Variants in ARHGAP32 observed in about 807,000 individuals in gnomAD.
The protein encoded by ARHGAP32 is Rho GTPase activating protein 32.
A neutral mutation model predicts 186.5 loss-of-function variants in ARHGAP32; 51 were observed. The ratio of observed to expected loss-of-function variants is 0.27; its 90% CI spans 0.22 to 0.35. The LOEUF (loss-of-function observed/expected upper bound fraction) is 0.35. Among genes scored for constraint, ARHGAP32 ranks in the 10% least tolerant of loss-of-function variants. The probability of loss-of-function intolerance (pLI) is 1.00; values close to 1 mark genes in which losing one functional copy is unlikely to be tolerated. For synonymous variants in ARHGAP32, 950 were observed against 964.3 expected, an observed-to-expected ratio of 0.99 and a Z score of 0.27; for missense variants, 2,186 against 2,623.5, an observed-to-expected ratio of 0.83 and a Z score of 3.64.
In ARHGAP32 at chr11:128,974,583, G is replaced by C; in HGVS notation, c.2614C>G (p.Leu872Val). Residue 872 changes from leucine (L) to valine (V), a missense_variant, in exon 21 of 23, where the codon CTT becomes GTT. This residue lies in a region of ARHGAP32 where 1,502 missense variants were observed against 1,570.0 expected (regional missense o/e 0.96). Coordinates refer to ENST00000682385, the MANE Select transcript of ARHGAP32 (RefSeq NM_001378024.1). ...AAGAATGGACTCAGTTTCTCCTGAAGAGGAGAGACAGGTTCAGAGCTTGCT... is the reference window on the plus strand; with the variant it reads ...AAGAATGGACTCAGTTTCTCCTGAACAGGAGAGACAGGTTCAGAGCTTGCT... The part of the protein sequence containing the change: ...STASSEPVSP[L>V]QEKLSPFFTL... The C allele has an allele frequency of 6.2e-7, 1 of 1,614,122 alleles. No homozygotes were observed. Among genetic ancestry groups the C allele is most frequent in the Non-Finnish European group, 8.5e-7 (1 of 1,179,958 alleles).
chr11:129,212,444 C>T (rs897767440), intron 1 of ARHGAP32, among the ~76,000 whole-genome samples: 1 of 152,132 alleles, frequency 6.6e-6, no homozygotes, highest in Non-Finnish European at 1.5e-5. Flanking sequence ...TGAAAGATGG[C>T]AAGTCACAAT....
At chr11:129,003,048 G>A (rs373281579) in intron 11 of ARHGAP32, among the ~76,000 whole-genome samples, 25 of 152,152 alleles carry the variant, frequency 1.6e-4, no homozygotes, top group African/African-American at 3.4e-4. Context: ...TGCCCGCCTC[G>A]GCCTCCCAAA....
In ARHGAP32 at chr11:128,974,736, C is replaced by A. The variant is rs1033398420; in HGVS notation, c.2461G>T (p.Ala821Ser). 24 of 1,614,054 alleles carry A rather than the reference C, an allele frequency of 1.5e-5. No individual in the cohort carries two copies. The highest frequency in any genetic ancestry group is 1.9e-5 in the Non-Finnish European group (22 of 1,180,048). Residue 821 changes from alanine to serine, a missense_variant, in exon 21 of 23, where the codon GCC (alanine) becomes TCC (serine). By Grantham distance (99) the Ala-to-Ser change is moderately conservative (BLOSUM62 1). Transcript: ENST00000682385. ...PMSFQCSPPK[A>S]ESECLESGAS... ...CCACTCTCCAGACATTCTGATTCGG[C>A]CTTAGGAGGACTACATTGAAATGAC...
chr11:129,064,155 ATTTACTGGGTAGT>A, intron 8 of ARHGAP32, 131 bp from the exon 9 acceptor site: 10 of 733,160 alleles, frequency 1.4e-5, no homozygotes, highest in Non-Finnish European at 2.1e-5. Context: ...AAAAACTACC[ATTTACTGGGTAGT>A]AAAAATATGC....
chr11:129,028,619 C>T (rs1938965199), intron 11 of ARHGAP32, among the ~76,000 whole-genome samples: 1 of 152,132 alleles, frequency 6.6e-6, no homozygotes, highest in African/African-American at 2.4e-5. Context: ...GTTGTGTAAC[C>T]ACTACACACA....
At chr11:129,145,897 C>A (rs905916642) in intron 2 of ARHGAP32, among the ~76,000 whole-genome samples, 20 of 152,052 alleles carry the variant, frequency 1.3e-4, no homozygotes, top group African/African-American at 2.9e-4. Context: ...AGAAGACGTA[C>A]CACGGGAGAG....
chr11:128,972,942 CTCTGAG>C lies in ARHGAP32; in HGVS notation c.3558_3563del (p.Asp1186_Ser1187del), dbSNP rs1945431714. 3.1e-6 allele frequency: 5 copies of C among 1,613,924 alleles called. 1 individual carries two copies. The Admixed American group carries it at 8.3e-5, about 27-fold the overall frequency. ...GGAAACTTACATGATCATCAGACTTCTCTGAGTCTAAGGGAACTGAAGTAATTCTGG... is the reference window on the plus strand; with the variant it reads ...GGAAACTTACATGATCATCAGACTTCTCTAAGGGAACTGAAGTAATTCTGG... On this transcript the variant is annotated inframe_deletion, in exon 22 of 23. Coordinates refer to ENST00000682385, the MANE Select transcript of ARHGAP32 (RefSeq NM_001378024.1).
At chr11:129,214,467 C>T (rs1405598672) in intron 1 of ARHGAP32, among the ~76,000 whole-genome samples, 5 of 152,208 alleles carry the variant, frequency 3.3e-5, no homozygotes, top group Middle Eastern at 3.4e-3. Context: ...CTAGAACTGG[C>T]TTGAATGAAA....
chr11:129,232,291 T>A (rs1336815944), intron 1 of ARHGAP32, among the ~76,000 whole-genome samples: 1 of 152,168 alleles, frequency 6.6e-6, no homozygotes, highest in African/African-American at 2.4e-5. Flanking sequence ...TTACACTTTA[T>A]ACAACAGAGG....
chr11:128,976,692 T>C, intron 19 of ARHGAP32, 58 bp from the exon 20 acceptor site: 4 of 1,429,108 alleles, frequency 2.8e-6, no homozygotes, highest in East Asian at 4.6e-5. Context: ...ATGTGGTTAA[T>C]GGGATCGGTG....
intron 1 of ARHGAP32, among the ~76,000 whole-genome samples, chr11:129,267,531 C>CAA (rs763583381): frequency 3.6e-4 from 49 of 136,768 alleles, no homozygotes; most frequent in South Asian, 6.5e-4. Context: ...GACCCCGTCT[C>CAA]AAAAACAAAA....
chr11:129,061,566 CAACAGTCAACCTGATAACTG>C (rs1418879851), intron 10 of ARHGAP32, among the ~76,000 whole-genome samples: 1 of 152,156 alleles, frequency 6.6e-6, no homozygotes, highest in Non-Finnish European at 1.5e-5. Context: ...CTTAATACCT[CAACAGTCAACCTGATAACTG>C]AGAGGGCTAC....
intron 2 of ARHGAP32, among the ~76,000 whole-genome samples, chr11:129,129,269 G>A (rs1309465757): frequency 1.4e-5 from 2 of 140,694 alleles, no homozygotes; most frequent in Admixed American, 6.9e-5. Context: ...CCCTCCACCC[G>A]GCAGCTGCCC....
intron 7 of ARHGAP32, among the ~76,000 whole-genome samples, chr11:129,066,425 T>C (rs1940690729): frequency 6.6e-6 from 1 of 152,114 alleles, no homozygotes; most frequent in Non-Finnish European, 1.5e-5. Flanking sequence ...CCTTTGATCA[T>C]GAAAGGCAAT....
chr11:129,251,264 T>C (rs943388865), intron 1 of ARHGAP32, among the ~76,000 whole-genome samples: 2 of 152,192 alleles, frequency 1.3e-5, no homozygotes, highest in Non-Finnish European at 2.9e-5. Context: ...TGAAATACGA[T>C]GTGCTCCAAA....
At chr11:129,080,376 A>G (rs1217024034) in intron 6 of ARHGAP32, among the ~76,000 whole-genome samples, 1 of 152,162 alleles carries the variant, frequency 6.6e-6, no homozygotes, top group African/African-American at 2.4e-5. Flanking sequence ...CAACAAATTA[A>G]AGAAAATCGA....
At chr11:129,018,224 T>A (rs1452237586) in intron 11 of ARHGAP32, among the ~76,000 whole-genome samples, 1 of 152,148 alleles carries the variant, frequency 6.6e-6, no homozygotes, top group Non-Finnish European at 1.5e-5. Flanking sequence ...AATAACAGCC[T>A]TAAGCCAGGG....
intron 16 of ARHGAP32, 72 bp downstream of exon 16, chr11:128,981,757 A>T: frequency 7.8e-7 from 1 of 1,290,250 alleles, no homozygotes; most frequent in Non-Finnish European, 1.1e-6. Context: ...AAGTTTCCTT[A>T]AAGAACACTG....
At chr11:129,102,986 C>A (rs1941944274) in intron 5 of ARHGAP32, among the ~76,000 whole-genome samples, 1 of 152,152 alleles carries the variant, frequency 6.6e-6, no homozygotes, top group African/African-American at 2.4e-5. Context: ...TGCCCATCAA[C>A]AGATGACTGG....
Sources: allele counts gnomAD v4.1 joint callset (sites outside exome capture counted in the v4.1 genomes callset), GRCh38; gene constraint gnomAD v4.1.1; regional missense constraint gnomAD v4.1.1; transcripts MANE v1.5; gene names NCBI Gene and HGNC (gene_info 2026-07-23, HGNC 2026-07-21).